Variants in RALYL observed in about 807,000 individuals in gnomAD.
RALYL encodes the protein RALY RNA binding protein like.
In RALYL, 29 loss-of-function variants were observed where a neutral mutation model predicts 35.1. The ratio of observed to expected loss-of-function variants is 0.83; its 90% CI spans 0.61 to 1.13. The LOEUF (loss-of-function observed/expected upper bound fraction) is 1.13. RALYL is among the 50% of genes most tolerant of loss of function. The pLI is 0.00. For synonymous variants in RALYL, 120 were observed against 127.6 expected (o/e 0.94, Z 0.40); for missense variants, 359 against 360.4 (o/e 1.00, Z 0.03).
intron 4 of RALYL, among the ~76,000 whole-genome samples, chr8:84,828,153 G>C (rs1052398754): frequency 5.3e-5 from 8 of 152,004 alleles, no homozygotes; most frequent in African/African-American, 1.9e-4. Context: ...ATTTAGATAT[G>C]TTTATTTGAA....
chr8:84,863,762 A>C (rs1838590517), intron 6 of RALYL, among the ~76,000 whole-genome samples: 1 of 152,224 alleles, frequency 6.6e-6, no homozygotes, highest in African/African-American at 2.4e-5. Flanking sequence ...TGTACTCAAC[A>C]AACTTTGTGG....
At chr8:84,235,469 A>G (rs1826303017) in intron 1 of RALYL, among the ~76,000 whole-genome samples, 1 of 152,186 alleles carries the variant, frequency 6.6e-6, no homozygotes, top group Admixed American at 6.5e-5. Flanking sequence ...TTTGTATTAA[A>G]CCATTTCTTG....
At chr8:84,621,877 A>G (rs1003136509) in intron 2 of RALYL, among the ~76,000 whole-genome samples, 2 of 152,166 alleles carry the variant, frequency 1.3e-5, no homozygotes, top group African/African-American at 4.8e-5. Context: ...TGCAGTGCTA[A>G]TTTAGCCATT....
intron 2 of RALYL, among the ~76,000 whole-genome samples, chr8:84,754,083 G>A (rs1227891271): frequency 6.6e-6 from 1 of 151,826 alleles, no homozygotes; most frequent in Non-Finnish European, 1.5e-5. Flanking sequence ...CTCCCATTTT[G>A]TAGGTTGCCT....
chr8:84,790,809 T>C (rs1052905580), intron 3 of RALYL, among the ~76,000 whole-genome samples: 6 of 152,136 alleles, frequency 3.9e-5, no homozygotes, highest in African/African-American at 1.4e-4. Flanking sequence ...AAGTAGCGGA[T>C]TGGTTACAGC....
intron 1 of RALYL, among the ~76,000 whole-genome samples, chr8:84,499,202 C>T (rs939126964): frequency 6.6e-6 from 1 of 151,546 alleles, no homozygotes; most frequent in African/African-American, 2.4e-5. Flanking sequence ...ATTCAGTGAA[C>T]ATTGTACCCA....
chr8:84,403,188 C>A (rs545460268), intron 1 of RALYL, among the ~76,000 whole-genome samples: 16 of 152,062 alleles, frequency 1.1e-4, no homozygotes, highest in African/African-American at 3.6e-4. Context: ...TCAATTTTTG[C>A]TTTTGTTGCA....
At chr8:84,804,749 A>G in intron 3 of RALYL, 21 bp from the exon 4 acceptor site, 1 of 1,155,712 alleles carries the variant, frequency 8.7e-7, no homozygotes, top group Non-Finnish European at 1.1e-6. Flanking sequence ...ATTAAAAGAA[A>G]ATTTTCATAT....
At chr8:84,638,667 A>G (rs1825578763) in intron 2 of RALYL, among the ~76,000 whole-genome samples, 1 of 150,882 alleles carries the variant, frequency 6.6e-6, no homozygotes, top group African/African-American at 2.4e-5. Flanking sequence ...GGGAACTAAA[A>G]GGTTCTGAGA....
At chr8:84,240,087 A>G (rs1305196949) in intron 1 of RALYL, among the ~76,000 whole-genome samples, 1 of 152,180 alleles carries the variant, frequency 6.6e-6, no homozygotes, top group African/African-American at 2.4e-5. Flanking sequence ...AAATTTTTAA[A>G]TATTATTTGT....
chr8:84,847,779 C>G (rs754581247), intron 4 of RALYL, among the ~76,000 whole-genome samples: 3 of 152,174 alleles, frequency 2.0e-5, no homozygotes, highest in Non-Finnish European at 4.4e-5. Flanking sequence ...TCTAGCCATA[C>G]AATGCTCAGT....
At position 84,445,387 on chromosome 8, in the gene RALYL, T is replaced by A. The variant is rs2048744372; in HGVS notation, c.-23-83912T>A. On this transcript the variant is annotated intron_variant, in intron 1 of 8. Coordinates refer to ENST00000521268, the MANE Select transcript of RALYL (RefSeq NM_173848.7). ...ATAGTGGTTCTAGAAAAAATGTAAG[T>A]GAATTTAGAAGGATATCTAATATAT... is the stretch of plus-strand genomic sequence containing the variant. Among the ~76,000 whole-genome samples, 3 of 151,974 alleles carry A rather than the reference T, an allele frequency of 2.0e-5. No homozygotes were observed. In the South Asian group the frequency reaches 6.2e-4, roughly 31 times the overall value.
intron 2 of RALYL, among the ~76,000 whole-genome samples, chr8:84,656,522 A>T (rs1304977610): frequency 1.3e-5 from 2 of 152,172 alleles, no homozygotes; most frequent in African/African-American, 2.4e-5. Context: ...TTCTGATTTT[A>T]TAACAAGAAA....
chr8:84,842,234 G>C (rs986944876), intron 4 of RALYL, among the ~76,000 whole-genome samples: 2 of 152,208 alleles, frequency 1.3e-5, no homozygotes, highest in African/African-American at 4.8e-5. Flanking sequence ...GACTAATAAA[G>C]AAGAAAAGAG....
At chr8:84,537,547 G>T (rs886707342) in intron 2 of RALYL, among the ~76,000 whole-genome samples, 1 of 151,496 alleles carries the variant, frequency 6.6e-6, no homozygotes, top group African/African-American at 2.4e-5. Context: ...GTGGGAGTGT[G>T]AAAAATTACT....
intron 1 of RALYL, among the ~76,000 whole-genome samples, chr8:84,246,600 G>A (rs1180988717): frequency 5.9e-5 from 9 of 152,108 alleles, no homozygotes; most frequent in Non-Finnish European, 1.3e-4. Context: ...AGGCCAATGT[G>A]GTTGGAAAAA....
At chr8:84,744,161 A>G (rs1808060580) in intron 2 of RALYL, among the ~76,000 whole-genome samples, 1 of 152,016 alleles carries the variant, frequency 6.6e-6, no homozygotes, top group Non-Finnish European at 1.5e-5. Context: ...AGATAGTTAG[A>G]TATTGGAGAA....
intron 1 of RALYL, among the ~76,000 whole-genome samples, chr8:84,269,382 C>T (rs1313766359): frequency 6.6e-6 from 1 of 152,122 alleles, no homozygotes; most frequent in African/African-American, 2.4e-5. Flanking sequence ...GGATGCAGGT[C>T]TCCTATTATG....
At chr8:84,187,683 A>AC (rs540696560) in intron 1 of RALYL, among the ~76,000 whole-genome samples, 2 of 152,280 alleles carry the variant, frequency 1.3e-5, no homozygotes, top group South Asian at 4.1e-4. Flanking sequence ...CAAATTGTTA[A>AC]TTAGAAAAAT....
Sources: allele counts gnomAD v4.1 joint callset (sites outside exome capture counted in the v4.1 genomes callset), GRCh38; gene constraint gnomAD v4.1.1; transcripts MANE v1.5; gene names NCBI Gene and HGNC (gene_info 2026-07-23, HGNC 2026-07-21).